The following C10orf90 variants were observed in gnomAD, a reference collection of about 807,000 sequenced individuals.
C10orf90 encodes the protein (E2-independent) E3 ubiquitin-conjugating enzyme FATS.
Under a neutral mutation model 62.5 loss-of-function variants are expected in C10orf90, and 56 were observed. That is an observed-to-expected ratio of 0.90 (90% confidence interval 0.72 to 1.12). The LOEUF is 1.12. Ranked by LOEUF, C10orf90 falls within the 50% of genes most tolerant of loss-of-function variation. C10orf90 has a pLI of 0.00. For missense variants in C10orf90, 970 were observed against 880.4 expected, an observed-to-expected ratio of 1.10 and a Z score of -1.29; for synonymous variants, 386 against 340.4, an observed-to-expected ratio of 1.13 and a Z score of -1.47.
intron 7 of C10orf90, among the ~76,000 whole-genome samples, chr10:126,434,758 T>G (rs1857810320): frequency 6.6e-6 from 1 of 152,172 alleles, no homozygotes; most frequent in Non-Finnish European, 1.5e-5. Flanking sequence ...ATTATGCAAT[T>G]CCAAAGTCAC....
At chr10:126,542,841 A>G (rs1345446553) in intron 2 of C10orf90, among the ~76,000 whole-genome samples, 1 of 152,224 alleles carries the variant, frequency 6.6e-6, no homozygotes, top group Non-Finnish European at 1.5e-5. Flanking sequence ...TGTACAATGT[A>G]CATACACATA....
chr10:126,442,366 C>CTATACATA (rs1196632492), intron 7 of C10orf90, among the ~76,000 whole-genome samples: 1 of 148,764 alleles, frequency 6.7e-6, no homozygotes, highest in Non-Finnish European at 1.5e-5. Context: ...TATCACAATC[C>CTATACATA]TATACATATA....
intron 1 of C10orf90, among the ~76,000 whole-genome samples, chr10:126,659,623 T>C (rs1846468074): frequency 6.6e-6 from 1 of 152,238 alleles, no homozygotes; most frequent in Non-Finnish European, 1.5e-5. Context: ...TAAATTAGAC[T>C]CACAGAGAGG....
chr10:126,556,228 T>C (rs1864768859), intron 2 of C10orf90, among the ~76,000 whole-genome samples: 1 of 152,198 alleles, frequency 6.6e-6, no homozygotes, highest in Non-Finnish European at 1.5e-5. Flanking sequence ...AGAAATGGTA[T>C]CTAAATTGGG....
intron 2 of C10orf90, among the ~76,000 whole-genome samples, chr10:126,563,066 C>T (rs774516637): frequency 1.3e-5 from 2 of 152,182 alleles, no homozygotes; most frequent in Non-Finnish European, 2.9e-5. Flanking sequence ...AAACCAGCCC[C>T]GGAGTATTTA....
intron 2 of C10orf90, among the ~76,000 whole-genome samples, chr10:126,589,986 A>T (rs1380096498): frequency 6.6e-6 from 1 of 152,210 alleles, no homozygotes; most frequent in East Asian, 1.9e-4. Flanking sequence ...CTCAATTTAA[A>T]GGGATGGAGG....
intron 3 of C10orf90, among the ~76,000 whole-genome samples, chr10:126,513,584 T>C (rs1202876683): frequency 6.6e-6 from 1 of 152,240 alleles, no homozygotes; most frequent in African/African-American, 2.4e-5. Flanking sequence ...ATTCTCCCTC[T>C]CTTTCTATGT....
chr10:126,538,352 C>A (rs1441360652), intron 2 of C10orf90, among the ~76,000 whole-genome samples: 1 of 152,142 alleles, frequency 6.6e-6, no homozygotes, highest in Non-Finnish European at 1.5e-5. Context: ...CACAGTCAAA[C>A]CATATCAATG....
At chr10:126,477,051 A>C (rs1247146394) in intron 4 of C10orf90, among the ~76,000 whole-genome samples, 1 of 130,962 alleles carries the variant, frequency 7.6e-6, no homozygotes, top group African/African-American at 2.8e-5. Flanking sequence ...CTGGGACTAC[A>C]GGTGCCCAAC....
At position 126,548,299 on chromosome 10, in the gene C10orf90, T is replaced by G. The variant is rs545507010; in HGVS notation, c.314-34360A>C. 5.9e-5 allele frequency among the ~76,000 whole-genome samples: 9 copies of G among 152,238 alleles called. No homozygotes were observed. In the East Asian group the frequency reaches 1.4e-3, roughly 23 times the overall value. The stretch of plus-strand genomic sequence containing the variant: ...GGCTCGTGCCTGTAATCCCAGGACT[T>G]TGGAATGCTGAGGCAGAAGAATAAT... On this transcript the variant is annotated intron_variant, in intron 2 of 9. Transcript: ENST00000488181.
At chr10:126,625,925 G>A (rs1298449173) in intron 2 of C10orf90, among the ~76,000 whole-genome samples, 2 of 151,942 alleles carry the variant, frequency 1.3e-5, no homozygotes, top group Non-Finnish European at 2.9e-5. Context: ...AACCAGCCTC[G>A]CCAACATGGT....
At position 126,507,100 on chromosome 10, in the gene C10orf90, G is replaced by A. The variant is rs567481621; in HGVS notation, c.406-2015C>T. 2.3e-4 allele frequency among the ~76,000 whole-genome samples: 35 copies of A among 152,288 alleles called. 1 individual carries two copies. In the South Asian group the frequency reaches 7.3e-3, roughly 32 times the overall value. ...GGGCTGGGTGCGGTGGCTCACGCCT[G>A]TAATCCCAGCACTTTGGGAGGCCAA... On this transcript the variant is annotated intron_variant, in intron 3 of 9. Transcript: ENST00000488181.
At chr10:126,490,055 T>TAATATATAATATAATAATAA in intron 4 of C10orf90, among the ~76,000 whole-genome samples, 1 of 95,166 alleles carries the variant, frequency 1.1e-5, no homozygotes, top group East Asian at 2.6e-4. Context: ...ATATATTATG[T>TAATATATAATATAATAATAA]TATATAATAT....
Position 126,504,995 on chromosome 10 carries a change from A to G in C10orf90, c.496T>C (p.Ser166Pro). 6.2e-7 allele frequency: 1 copy of G among 1,614,214 alleles called. No individual in the cohort carries two copies. Among genetic ancestry groups the G allele is most frequent in the Non-Finnish European group, 8.5e-7 (1 of 1,180,026 alleles). ...GCAATGGCACACGGTAGGGGCAAGGAGGCCCTGTTTTCTCTTGACTTATTC... is the reference window on the plus strand; with the variant it reads ...GCAATGGCACACGGTAGGGGCAAGGGGGCCCTGTTTTCTCTTGACTTATTC... ...DENKSRENRASLPLPCAIAQS... is the reference protein window; with the variant it reads ...DENKSRENRAPLPLPCAIAQS... Residue 166 changes from serine (S) to proline (P), a missense_variant, in exon 4 of 10, where the codon TCC becomes CCC. Coordinates refer to ENST00000488181, the MANE Select transcript of C10orf90 (RefSeq NM_001350921.2). This position sits in a 1 kb window ranked among gnomAD's most constrained non-coding sequence, Gnocchi z 4.1.
At chr10:126,470,387 A>G (rs898173852) in intron 4 of C10orf90, among the ~76,000 whole-genome samples, 1 of 152,206 alleles carries the variant, frequency 6.6e-6, no homozygotes, top group Non-Finnish European at 1.5e-5. Flanking sequence ...CTCCAATTAC[A>G]ATATGTGGAA....
intron 7 of C10orf90, among the ~76,000 whole-genome samples, chr10:126,454,236 G>A (rs367844647): frequency 1.3e-5 from 2 of 151,860 alleles, no homozygotes; most frequent in African/African-American, 4.8e-5. Flanking sequence ...GACCTGCAGG[G>A]CTTGTACCCA....
At chr10:126,529,320 C>T (rs1264566827) in intron 2 of C10orf90, among the ~76,000 whole-genome samples, 1 of 152,072 alleles carries the variant, frequency 6.6e-6, no homozygotes, top group Non-Finnish European at 1.5e-5. Context: ...GAAAGGATGT[C>T]TTTAGAATAT....
chr10:126,431,279 T>C (rs1857553794), intron 7 of C10orf90, among the ~76,000 whole-genome samples: 1 of 152,068 alleles, frequency 6.6e-6, no homozygotes, highest in African/African-American at 2.4e-5. Context: ...AGTGCCAGGG[T>C]GCAAGGTCAC....
At position 126,527,332 on chromosome 10, in the gene C10orf90, T is replaced by TG. The variant is rs199861169; in HGVS notation, c.314-13394dup. Among the ~76,000 whole-genome samples, 149 of 152,364 alleles carry TG rather than the reference T, an allele frequency of 9.8e-4. 4 individuals carry two copies. The East Asian group carries it at 0.027, about 28-fold the overall frequency. On this transcript the variant is annotated intron_variant, in intron 2 of 9. Transcript: ENST00000488181. ...GCTAATGATGTGGAGCATCTTTTCA[T>TG]GTGCTTATTGGCCATTTGCCTTTCT...
Sources: gnomAD v4.1 joint callset for allele counts (sites outside exome capture counted in the v4.1 genomes callset) on GRCh38, gnomAD v4.1.1 for gene constraint, Gnocchi (gnomAD v3.1) non-coding constraint, MANE v1.5 for transcripts, NCBI Gene and HGNC (gene_info 2026-07-23, HGNC 2026-07-21) for gene names.